The following PPP3CA variants were observed in gnomAD, a reference collection of about 807,000 sequenced individuals.
PPP3CA encodes CAM-PRP catalytic subunit.
Under a neutral mutation model 66.5 loss-of-function variants are expected in PPP3CA, and 14 were observed. That is an observed-to-expected ratio of 0.21 (90% CI 0.14 to 0.33). PPP3CA has a LOEUF of 0.33. Among genes scored for constraint, PPP3CA ranks in the 10% least tolerant of loss-of-function variants. PPP3CA has a pLI of 1.00. For missense variants in PPP3CA, 317 were observed against 639.5 expected (o/e 0.50, Z 5.44); for synonymous variants, 232 against 226.2 (o/e 1.03, Z -0.23).
chr4:101,213,868 AGTT>A (rs1725380083), intron 1 of PPP3CA, among the ~76,000 whole-genome samples: 1 of 152,148 alleles, frequency 6.6e-6, no homozygotes, highest in African/African-American at 2.4e-5. Context: ...TATCAAAAGT[AGTT>A]GTTATTTCTC....
chr4:101,104,647 GTCAT>G (rs1156405403), intron 3 of PPP3CA, among the ~76,000 whole-genome samples: 1 of 152,048 alleles, frequency 6.6e-6, no homozygotes, highest in Non-Finnish European at 1.5e-5. Context: ...AATAAATGAG[GTCAT>G]TCAAACTATT....
chr4:101,032,812 A>C (rs1347260018), intron 11 of PPP3CA, among the ~76,000 whole-genome samples: 1 of 152,236 alleles, frequency 6.6e-6, no homozygotes, highest in East Asian at 1.9e-4. Flanking sequence ...GAGATTGAAA[A>C]AAAATCTGAT....
At chr4:101,344,511 T>C (rs1300785059) in intron 1 of PPP3CA, among the ~76,000 whole-genome samples, 2 of 152,186 alleles carry the variant, frequency 1.3e-5, no homozygotes, top group Admixed American at 1.3e-4. Flanking sequence ...TCAGGATCTC[T>C]ATCAAAACAA....
At chr4:101,304,284 T>C (rs942508210) in intron 1 of PPP3CA, among the ~76,000 whole-genome samples, 1 of 152,224 alleles carries the variant, frequency 6.6e-6, no homozygotes, top group East Asian at 1.9e-4. Flanking sequence ...GTACTATCTT[T>C]GGTGAGAGCC....
intron 1 of PPP3CA, among the ~76,000 whole-genome samples, chr4:101,218,201 T>G (rs1002209058): frequency 1.3e-5 from 2 of 150,974 alleles, no homozygotes; most frequent in Non-Finnish European, 3.0e-5. Context: ...GAAGAGAGAG[T>G]TATTAAATGG....
At chr4:101,103,915 G>A (rs1257162800) in intron 3 of PPP3CA, among the ~76,000 whole-genome samples, 2 of 152,214 alleles carry the variant, frequency 1.3e-5, no homozygotes, top group Non-Finnish European at 2.9e-5. Flanking sequence ...AGTATTTGGT[G>A]TAAGACAAAT....
chr4:101,167,242 G>A (rs1260170859), intron 2 of PPP3CA, among the ~76,000 whole-genome samples: 1 of 152,098 alleles, frequency 6.6e-6, no homozygotes, highest in Non-Finnish European at 1.5e-5. Context: ...CACTATAGAG[G>A]CTCTTGGTTA....
intron 1 of PPP3CA, among the ~76,000 whole-genome samples, chr4:101,267,424 C>T (rs778052173): frequency 2.6e-5 from 4 of 152,082 alleles, no homozygotes; most frequent in Non-Finnish European, 5.9e-5. Flanking sequence ...TTACAATGTC[C>T]TTGTAGTTCA....
At chr4:101,160,110 T>C (rs1357727678) in intron 2 of PPP3CA, among the ~76,000 whole-genome samples, 1 of 152,080 alleles carries the variant, frequency 6.6e-6, no homozygotes, top group East Asian at 1.9e-4. Context: ...AATATAAAAG[T>C]ATGGTTGGTG....
intron 1 of PPP3CA, among the ~76,000 whole-genome samples, chr4:101,257,462 T>C (rs538897068): frequency 6.6e-4 from 100 of 152,066 alleles, no homozygotes; most frequent in Middle Eastern, 3.4e-3. Context: ...ATAGGCTGTG[T>C]TAACCTCACC....
chr4:101,064,561 ATTTCT>A (rs1190643265), intron 8 of PPP3CA, among the ~76,000 whole-genome samples: 3 of 151,994 alleles, frequency 2.0e-5, no homozygotes, highest in Non-Finnish European at 4.4e-5. Flanking sequence ...AAAAGTAATC[ATTTCT>A]TTACTTTTTT....
Position 101,339,690 on chromosome 4 carries a change from T to C in PPP3CA, c.58+7049A>G, listed in dbSNP as rs534954758. On this transcript the variant is annotated intron_variant, in intron 1 of 13. Transcript: ENST00000394854. ...ACATGAGAATTTTACAATATCCATC[T>C]CATTCAAAAGAATTTATTCAGTGCA... Among the ~76,000 whole-genome samples, 4 of 152,340 alleles carry C rather than the reference T, an allele frequency of 2.6e-5. No individual in the cohort carries two copies. In the East Asian group the frequency reaches 7.7e-4, roughly 29 times the overall value.
intron 2 of PPP3CA, among the ~76,000 whole-genome samples, chr4:101,135,583 CT>C (rs1424159169): frequency 6.6e-6 from 1 of 152,184 alleles, no homozygotes; most frequent in Non-Finnish European, 1.5e-5. Context: ...CTTATTTTCA[CT>C]TATTTTCTCT....
intron 10 of PPP3CA, among the ~76,000 whole-genome samples, chr4:101,043,592 C>T (rs28458475): frequency 0.063 from 9,589 of 151,530 alleles, 345 homozygotes; most frequent in African/African-American, 0.092. Context: ...TCAAATTTCT[C>T]GGCCGGGCGC....
At chr4:101,269,456 T>C (rs1393949229) in intron 1 of PPP3CA, among the ~76,000 whole-genome samples, 3 of 151,980 alleles carry the variant, frequency 2.0e-5, no homozygotes, top group Non-Finnish European at 4.4e-5. Flanking sequence ...TAATATTAAA[T>C]TGTTATACCC....
chr4:101,045,111 G>A (rs997841519), intron 10 of PPP3CA, among the ~76,000 whole-genome samples: 2 of 152,206 alleles, frequency 1.3e-5, no homozygotes, highest in Non-Finnish European at 2.9e-5. Flanking sequence ...AAAGTGTTAT[G>A]TAGAGTACAA....
intron 2 of PPP3CA, among the ~76,000 whole-genome samples, chr4:101,180,805 G>A (rs1162750684): frequency 2.0e-4 from 30 of 152,034 alleles, no homozygotes; most frequent in Non-Finnish European, 1.6e-4. Flanking sequence ...GGGCCAAGGA[G>A]GGAGGAACAC....
intron 3 of PPP3CA, among the ~76,000 whole-genome samples, chr4:101,105,654 C>T (rs1266343334): frequency 6.6e-6 from 1 of 151,990 alleles, no homozygotes; most frequent in Non-Finnish European, 1.5e-5. Flanking sequence ...GAGTTGGTGG[C>T]ACAAAGAAGG....
At chr4:101,136,705 T>C (rs1028835669) in intron 2 of PPP3CA, among the ~76,000 whole-genome samples, 1 of 151,922 alleles carries the variant, frequency 6.6e-6, no homozygotes, top group Admixed American at 6.6e-5. Context: ...GTAATCTTTA[T>C]TTCTCAAGTC....
Sources: gnomAD v4.1 joint callset for allele counts (sites outside exome capture counted in the v4.1 genomes callset) on GRCh38, gnomAD v4.1.1 for gene constraint, MANE v1.5 for transcripts, NCBI Gene and HGNC (gene_info 2026-07-23, HGNC 2026-07-21) for gene names.